Variants in CRYGN observed in about 807,000 individuals in gnomAD.
CRYGN encodes the protein crystallin gamma N.
Under a neutral mutation model 19.2 loss-of-function variants are expected in CRYGN, and 17 were observed. That is an observed-to-expected ratio of 0.89 (90% CI 0.61 to 1.33). The LOEUF (loss-of-function observed/expected upper bound fraction) is 1.33, where lower values mean the gene tolerates loss of function less well. Ranked by LOEUF, CRYGN falls within the 40% of genes most tolerant of loss-of-function variation. The probability of loss-of-function intolerance (pLI) is 0.00; values close to 1 mark genes in which losing one functional copy is unlikely to be tolerated. For synonymous variants in CRYGN, 84 were observed against 85.8 expected (o/e 0.98, Z 0.12); for missense variants, 239 against 239.6 (o/e 1.00, Z 0.02).
chr7:151,436,301 T>C lies in CRYGN; in HGVS notation c.295A>G (p.Ile99Val), dbSNP rs763296793. Residue 99 changes from isoleucine (I) to valine (V), a missense_variant, in exon 3 of 4, where the codon ATC becomes GTC. Ile to Val is a conservative substitution (Grantham distance 29). Transcript: ENST00000337323. This position sits in a 1 kb window ranked among gnomAD's most constrained non-coding sequence, Gnocchi z 5.1. The part of the protein sequence containing the change: ...GMHGEHFRLE[I>V]FEGCNFTGQC... ...CCCGTGAAGTTGCAACCCTCGAAGA[T>C]TTCTAGGCGGAAATGTTCTCCGTGC... is the stretch of plus-strand genomic sequence containing the variant. The C allele has an allele frequency of 6.3e-7, 1 of 1,586,314 alleles. No homozygotes were observed. The highest frequency in any genetic ancestry group is 8.6e-7 in the Non-Finnish European group (1 of 1,166,712).
chr7:151,440,013 C>T lies in CRYGN; in HGVS notation c.-96G>A. On this transcript the variant is annotated 5_prime_UTR_variant, in exon 1 of 4. Coordinates refer to ENST00000337323, the MANE Select transcript of CRYGN (RefSeq NM_144727.3). ...GACAAAAGATTTGCTGGGCCGGCCC[C>T]GGAGCGTTAGTGCTGTCGGGCGTGC... 7.1e-7 allele frequency: 1 copy of T among 1,412,736 alleles called. No individual in the cohort carries two copies. Among genetic ancestry groups the T allele is most frequent in the Non-Finnish European group, 9.3e-7 (1 of 1,080,224 alleles). 87.5% of individuals were successfully genotyped at this position (1,412,736 alleles called of 1,614,324 possible). A position where few individuals can be genotyped will look rare whatever the true frequency, so the allele number is the denominator to read the frequency against.
chr7:151,432,106 CT>C (rs1801483149), intron 3 of CRYGN: 1 of 1,041,514 alleles, frequency 9.6e-7, no homozygotes, highest in Non-Finnish European at 1.2e-6. Context: ...GGGGTTGCCC[CT>C]GTCCCCAGAG....
rs1584819946 is a variant in CRYGN, at chr7:151,429,882, C to T, written c.*166G>A. On this transcript the variant is annotated 3_prime_UTR_variant, in exon 4 of 4. Coordinates refer to ENST00000337323, the MANE Select transcript of CRYGN (RefSeq NM_144727.3). ...CGGCTGTTTCAGAAGAGACAGGGCC[C>T]TTGCCATGGGTGGGGAGGGCCTCCC... 2 of 654,708 alleles carry T rather than the reference C, an allele frequency of 3.1e-6. No homozygotes were observed. Among genetic ancestry groups the T allele is most frequent in the African/African-American group, 3.6e-5 (2 of 55,862 alleles). The allele number at this position is 654,708 out of a possible 1,614,324, so 40.6% of individuals were successfully genotyped here.
At chr7:151,432,192 G>A (rs1357596138) in intron 3 of CRYGN, 17 of 1,231,972 alleles carry the variant, frequency 1.4e-5, no homozygotes, top group South Asian at 4.1e-5. Context: ...GCACTCGTGC[G>A]CTGTGGGCCT....
chr7:151,437,442 G>A lies in CRYGN; in HGVS notation c.270+554C>T, dbSNP rs368178950. ...AGCAGCTGGACCGAAACAGTCTTTCGCCACCGGGGAGCCATGCCCCTCGTC... is the reference window on the plus strand; with the variant it reads ...AGCAGCTGGACCGAAACAGTCTTTCACCACCGGGGAGCCATGCCCCTCGTC... On this transcript the variant is annotated intron_variant, in intron 2 of 3. Coordinates refer to ENST00000337323, the MANE Select transcript of CRYGN (RefSeq NM_144727.3). Among the ~76,000 whole-genome samples, 170 of 152,268 alleles carry A rather than the reference G, an allele frequency of 1.1e-3. 5 individuals are homozygous for A. In the South Asian group the frequency reaches 0.033, roughly 29 times the overall value.
intron 3 of CRYGN, chr7:151,432,377 C>T (rs1028568478): frequency 2.8e-6 from 2 of 713,056 alleles, no homozygotes; most frequent in Non-Finnish European, 3.9e-6. Context: ...ACCCAGCAAC[C>T]CCTCCCGGTC....
At chr7:151,440,199 C>A (rs1336158397), upstream of CRYGN, 2 of 951,346 alleles carry the variant, frequency 2.1e-6, no homozygotes, top group Non-Finnish European at 2.9e-6. Context: ...CTGCCCCTGC[C>A]CTGCCCTGGA....
At position 151,429,790 on chromosome 7, in the gene CRYGN, G is replaced by A; in HGVS notation, c.*258C>T. ...CATCATCAGCTGTGGGCTGAGGTGC[G>A]AGATTGTGGAGGCCTGAGGCCAGCA... On this transcript the variant is annotated 3_prime_UTR_variant, in exon 4 of 4. Coordinates refer to ENST00000337323, the MANE Select transcript of CRYGN (RefSeq NM_144727.3). 1.5e-5 allele frequency: 8 copies of A among 539,848 alleles called. No homozygotes were observed. The highest frequency in any genetic ancestry group is 2.3e-5 in the Non-Finnish European group (7 of 300,444). The allele number at this position is 539,848 out of a possible 1,614,324, so 33.4% of individuals were successfully genotyped here.
At chr7:151,437,879 T>G in intron 2 of CRYGN, 117 bp downstream of exon 2, 1 of 1,562,550 alleles carries the variant, frequency 6.4e-7, no homozygotes, top group Non-Finnish European at 8.6e-7. Context: ...TCCTTCAGTC[T>G]TACAGACTTT....
chr7:151,431,462 C>T lies in CRYGN; in HGVS notation c.417-1282G>A, dbSNP rs1349305803. 6.6e-6 allele frequency among the ~76,000 whole-genome samples: 1 copy of T among 152,188 alleles called. No individual in the cohort carries two copies. Among genetic ancestry groups the T allele is most frequent in the African/African-American group, 2.4e-5 (1 of 41,460 alleles). On this transcript the variant is annotated intron_variant, in intron 3 of 3. Coordinates refer to ENST00000337323, the MANE Select transcript of CRYGN (RefSeq NM_144727.3). The surrounding 1 kb of genome is among the most constrained non-coding windows in gnomAD (Gnocchi z 4.8). ...AGGGCCCAGGAATGGAGGAATTCTA[C>T]AGGCGAGCGCTTGGTGCTGCACCAG...
intron 2 of CRYGN, chr7:151,437,734 G>T: frequency 1.9e-6 from 2 of 1,070,156 alleles, no homozygotes; most frequent in Non-Finnish European, 2.6e-6. Context: ...GGAAAATGCA[G>T]CTAGATTTTT....
At chr7:151,434,838 T>C (rs1048456972) in intron 3 of CRYGN, among the ~76,000 whole-genome samples, 2 of 152,234 alleles carry the variant, frequency 1.3e-5, no homozygotes, top group African/African-American at 4.8e-5. Flanking sequence ...GGACCTGCCA[T>C]ACATTGTTTC....
rs77114834 is a variant in CRYGN at position 151,434,741 on chromosome 7, G to T, written c.416+1439C>A. ...CCGTCAGTAAGTTCTTGGGAACCGT[G>T]GCTTTAAGCACATGATATATAACAA... On this transcript the variant is annotated intron_variant, in intron 3 of 3. Transcript: ENST00000337323. 6.6e-3 allele frequency among the ~76,000 whole-genome samples: 1,009 copies of T among 152,258 alleles called. 12 individuals carry two copies. Among genetic ancestry groups the T allele is most frequent in the African/African-American group, 0.022 (930 of 41,534 alleles).
In CRYGN at chr7:151,436,096, C is replaced by A; in HGVS notation, c.416+84G>T. ...GGTCTCATTCCCACCCCACCCACCACCCCTGTGTGGCGGGCAGCCTCCCAC... is the reference window on the plus strand; with the variant it reads ...GGTCTCATTCCCACCCCACCCACCAACCCTGTGTGGCGGGCAGCCTCCCAC... On this transcript the variant is annotated intron_variant, in intron 3 of 3. Coordinates refer to ENST00000337323, the MANE Select transcript of CRYGN (RefSeq NM_144727.3). This position sits in a 1 kb window ranked among gnomAD's most constrained non-coding sequence, Gnocchi z 5.1. 8.6e-7 allele frequency: 1 copy of A among 1,158,382 alleles called. No individual in the cohort carries two copies. Among genetic ancestry groups the A allele is most frequent in the East Asian group, 2.9e-5 (1 of 33,922 alleles). The allele number at this position is 1,158,382 out of a possible 1,614,324, so 71.8% of individuals were successfully genotyped here.
chr7:151,439,961 G>T lies in CRYGN; in HGVS notation c.-44C>A, dbSNP rs753279916. The T allele has an allele frequency of 6.7e-7, 1 of 1,500,508 alleles. No individual in the cohort carries two copies. The highest frequency in any genetic ancestry group is 2.1e-5 in the Admixed American group (1 of 46,968). 92.9% of individuals were successfully genotyped at this position (1,500,508 alleles called of 1,614,324 possible). On this transcript the variant is annotated 5_prime_UTR_variant, in exon 1 of 4. It adds an upstream start codon to the 5' untranslated region. Transcript: ENST00000337323. The stretch of plus-strand genomic sequence containing the variant: ...CGCGGGTCCCCGTTTACACCGGGCA[G>T]CGCCCTGCTGGCTCAGCGCCGCCCC...
At position 151,429,539 on chromosome 7, in the gene CRYGN, C is replaced by T. The variant is rs115334446; in HGVS notation, c.*509G>A. The T allele has an allele frequency of 0.016, 2,985 of 185,950 alleles. 102 individuals carry two copies. Among genetic ancestry groups the T allele is most frequent in the African/African-American group, 0.067 (2,836 of 42,506 alleles). 11.5% of individuals were successfully genotyped at this position (185,950 alleles called of 1,614,324 possible). A position where few individuals can be genotyped will look rare whatever the true frequency, so the allele number is the denominator to read the frequency against. On this transcript the variant is annotated 3_prime_UTR_variant, in exon 4 of 4. Transcript: ENST00000337323. ...TGCTCTATAGAGGAGTGGTTAGGAA[C>T]GAAAAGGATCAATCAGCCAGCCAGA...
chr7:151,429,668 G>A lies in CRYGN; in HGVS notation c.*380C>T, dbSNP rs1801420951. ...CAGTGGTGATAAGCATATCATCTTG[G>A]CATTATTGTATATGATAAGTAAAAT... On this transcript the variant is annotated 3_prime_UTR_variant, in exon 4 of 4. Coordinates refer to ENST00000337323, the MANE Select transcript of CRYGN (RefSeq NM_144727.3). 3.4e-6 allele frequency: 1 copy of A among 294,978 alleles called. No individual in the cohort carries two copies. The highest frequency in any genetic ancestry group is 3.6e-5 in the South Asian group (1 of 28,048). 18.3% of individuals were successfully genotyped at this position (294,978 alleles called of 1,614,324 possible).
At chr7:151,439,195 A>G (rs1001320452) in intron 1 of CRYGN, 1 of 152,258 alleles carries the variant, frequency 6.6e-6, no homozygotes, top group Admixed American at 6.5e-5. Context: ...TTCACCGGAA[A>G]GGAGGCAGAC....
chr7:151,432,971 T>C (rs541007651), intron 3 of CRYGN, among the ~76,000 whole-genome samples: 1 of 152,214 alleles, frequency 6.6e-6, no homozygotes, highest in South Asian at 2.1e-4. Flanking sequence ...AGAGGTGCCA[T>C]GGTCACACAA....
Sources: gnomAD v4.1 joint callset for allele counts (sites outside exome capture counted in the v4.1 genomes callset) on GRCh38, gnomAD v4.1.1 for gene constraint, Gnocchi (gnomAD v3.1) non-coding constraint, MANE v1.5 for transcripts, NCBI Gene and HGNC (gene_info 2026-07-23, HGNC 2026-07-21) for gene names.